NR3C2: variants seen among roughly 807,000 people sequenced by gnomAD.
The protein encoded by NR3C2 is mineralocorticoid receptor.
Under a neutral mutation model 86.4 loss-of-function variants are expected in NR3C2, and 15 were observed. That is an observed-to-expected ratio of 0.17 (90% CI 0.12 to 0.27). The LOEUF (loss-of-function observed/expected upper bound fraction) is 0.27, where lower values mean the gene tolerates loss of function less well. NR3C2 is among the 10% of genes least tolerant of loss of function. The probability of loss-of-function intolerance (pLI) is 1.00; values close to 1 mark genes in which losing one functional copy is unlikely to be tolerated. For synonymous variants in NR3C2, 458 were observed against 450.5 expected (o/e 1.02, Z -0.21); for missense variants, 960 against 1,195.6 (o/e 0.80, Z 2.91).
chr4:148,253,390 T>TCAGAGA lies in NR3C2; in HGVS notation c.1897+6587_1897+6588insTCTCTG, dbSNP rs542081812. Among the ~76,000 whole-genome samples the TCAGAGA allele has an allele frequency of 3.5e-3, 526 of 152,290 alleles. 2 individuals are homozygous for TCAGAGA. Among genetic ancestry groups the TCAGAGA allele is most frequent in the African/African-American group, 0.012 (493 of 41,578 alleles). ...GAAGTTCAGCAAAAATGGTGAATCA[T>TCAGAGA]CAAAGTAACTAAGACTTTTCTGTGT... On this transcript the variant is annotated intron_variant, in intron 3 of 8. Transcript: ENST00000358102.
At chr4:148,278,029 T>G (rs895335963) in intron 2 of NR3C2, among the ~76,000 whole-genome samples, 7 of 152,218 alleles carry the variant, frequency 4.6e-5, no homozygotes, top group African/African-American at 1.7e-4. Flanking sequence ...ATTAATAACA[T>G]TATTTCATAA....
chr4:148,442,501 G>T, upstream of NR3C2: 1 of 302,832 alleles, frequency 3.3e-6, no homozygotes, highest in Non-Finnish European at 4.9e-6. Flanking sequence ...GAGTGGGCCA[G>T]CTGGAGGGCT....
intron 3 of NR3C2, among the ~76,000 whole-genome samples, chr4:148,235,093 A>C (rs1738679637): frequency 6.6e-6 from 1 of 152,098 alleles, no homozygotes; most frequent in Non-Finnish European, 1.5e-5. Context: ...CCTCATTAGA[A>C]ACTATTTAGG....
chr4:148,372,348 C>G (rs143720962), intron 2 of NR3C2, among the ~76,000 whole-genome samples: 1 of 151,966 alleles, frequency 6.6e-6, no homozygotes, highest in African/African-American at 2.4e-5. Context: ...GTCATATTCC[C>G]TCTCATTTCT....
At chr4:148,417,524 T>TA (rs1277318386) in intron 2 of NR3C2, among the ~76,000 whole-genome samples, 26 of 152,228 alleles carry the variant, frequency 1.7e-4, no homozygotes, top group African/African-American at 6.3e-4. Context: ...AATATGTTTT[T>TA]ATCTTCATGC....
At chr4:148,400,439 T>C (rs1023674098) in intron 2 of NR3C2, among the ~76,000 whole-genome samples, 2 of 152,142 alleles carry the variant, frequency 1.3e-5, no homozygotes, top group Admixed American at 1.3e-4. Flanking sequence ...GAGTAAGAGA[T>C]CCAATCTTAT....
intron 3 of NR3C2, among the ~76,000 whole-genome samples, chr4:148,246,319 TA>T (rs1739310646): frequency 6.6e-6 from 1 of 152,172 alleles, no homozygotes; most frequent in African/African-American, 2.4e-5. Flanking sequence ...ATACAATTAC[TA>T]AAGAAAAAAT....
intron 2 of NR3C2, among the ~76,000 whole-genome samples, chr4:148,317,168 T>A (rs190193310): frequency 3.5e-3 from 528 of 152,192 alleles, no homozygotes; most frequent in Non-Finnish European, 4.8e-3. Context: ...CACTAGAAGT[T>A]CAACCCATGC....
At chr4:148,393,959 C>A (rs1323383190) in intron 2 of NR3C2, among the ~76,000 whole-genome samples, 1 of 152,166 alleles carries the variant, frequency 6.6e-6, no homozygotes, top group Non-Finnish European at 1.5e-5. Context: ...GCCAGCAGGG[C>A]TAGGCAGAAG....
At chr4:148,082,435 C>T (rs1191451570) in intron 8 of NR3C2, among the ~76,000 whole-genome samples, 12 of 152,160 alleles carry the variant, frequency 7.9e-5, no homozygotes, top group South Asian at 4.2e-4. Context: ...CAGGGTGGGG[C>T]GTCGCCTCAC....
chr4:148,231,006 AGAG>A (rs1378468200), intron 3 of NR3C2, among the ~76,000 whole-genome samples: 5 of 152,338 alleles, frequency 3.3e-5, no homozygotes, highest in Middle Eastern at 3.4e-3. Context: ...ATGGCCTAAC[AGAG>A]AAGACTGCTT....
chr4:148,422,886 A>T (rs1333681231), intron 2 of NR3C2, among the ~76,000 whole-genome samples: 3 of 152,076 alleles, frequency 2.0e-5, no homozygotes, highest in Admixed American at 6.6e-5. Context: ...CTTACATTAG[A>T]GCCATAACTC....
intron 3 of NR3C2, among the ~76,000 whole-genome samples, chr4:148,196,122 G>A (rs1044227420): frequency 6.6e-6 from 1 of 152,230 alleles, no homozygotes; most frequent in Non-Finnish European, 1.5e-5. Context: ...AGCAGTGGCA[G>A]TGGTGAGATT....
At chr4:148,286,619 C>T (rs536220654) in intron 2 of NR3C2, among the ~76,000 whole-genome samples, 2 of 152,274 alleles carry the variant, frequency 1.3e-5, no homozygotes, top group South Asian at 4.1e-4. Flanking sequence ...GAGACAATCA[C>T]AGATCAGTTT....
chr4:148,090,201 G>A (rs558993053), intron 8 of NR3C2, among the ~76,000 whole-genome samples: 23 of 152,334 alleles, frequency 1.5e-4, no homozygotes, highest in South Asian at 6.2e-4. Context: ...CTCTCAAGGC[G>A]TCTGTGTTCT....
At chr4:148,164,675 A>G (rs982030648) in intron 4 of NR3C2, among the ~76,000 whole-genome samples, 5 of 152,248 alleles carry the variant, frequency 3.3e-5, no homozygotes, top group African/African-American at 9.6e-5. Context: ...CCTTCTTGGC[A>G]TATGTCTCAG....
At chr4:148,197,515 T>G (rs1394859077) in intron 3 of NR3C2, among the ~76,000 whole-genome samples, 1 of 152,156 alleles carries the variant, frequency 6.6e-6, no homozygotes, top group Non-Finnish European at 1.5e-5. Flanking sequence ...TAACTAAGAC[T>G]TTTTAGATTG....
intron 2 of NR3C2, among the ~76,000 whole-genome samples, chr4:148,280,423 A>T (rs1040711308): frequency 4.6e-5 from 7 of 152,248 alleles, no homozygotes; most frequent in Non-Finnish European, 7.3e-5. Flanking sequence ...AAGAAAAAGA[A>T]AACAGTGTAC....
At chr4:148,223,022 T>C (rs112996038) in intron 3 of NR3C2, among the ~76,000 whole-genome samples, 3 of 152,112 alleles carry the variant, frequency 2.0e-5, no homozygotes, top group Admixed American at 6.6e-5. Flanking sequence ...AAAGATAATA[T>C]GGGCAATGGA....
Sources: allele counts gnomAD v4.1 joint callset (sites outside exome capture counted in the v4.1 genomes callset), GRCh38; gene constraint gnomAD v4.1.1; transcripts MANE v1.5; gene names NCBI Gene and HGNC (gene_info 2026-07-23, HGNC 2026-07-21).